ZDHHC2: variants seen among roughly 807,000 people sequenced by gnomAD.
ZDHHC2 encodes palmitoyltransferase ZDHHC2.
ZDHHC2 carries 51 observed loss-of-function variants against 55.6 expected under a neutral mutation model. The ratio of observed to expected loss-of-function variants is 0.92; its 90% CI spans 0.73 to 1.16. The LOEUF (loss-of-function observed/expected upper bound fraction) is 1.16. Among genes scored for constraint, ZDHHC2 ranks in the 50% most tolerant of loss-of-function variants. ZDHHC2 has a pLI of 0.00. For synonymous variants in ZDHHC2, 199 were observed against 152.9 expected (o/e 1.30, Z -2.22); for missense variants, 491 against 442.4 (o/e 1.11, Z -0.99).
intron 1 of ZDHHC2, among the ~76,000 whole-genome samples, chr8:17,172,822 A>T (rs1804927186): frequency 6.6e-6 from 1 of 152,132 alleles, no homozygotes; most frequent in South Asian, 2.1e-4. Flanking sequence ...AGCCTATCCC[A>T]TCTCTTACTC....
intron 10 of ZDHHC2, among the ~76,000 whole-genome samples, chr8:17,211,885 A>G (rs1388674529): frequency 6.6e-6 from 1 of 152,182 alleles, no homozygotes; most frequent in Non-Finnish European, 1.5e-5. Context: ...AGAAAAATCT[A>G]GTTTTAATAA....
intron 8 of ZDHHC2, among the ~76,000 whole-genome samples, chr8:17,208,735 A>G (rs1807228613): frequency 6.6e-6 from 1 of 152,230 alleles, no homozygotes; most frequent in African/African-American, 2.4e-5. Context: ...AAATACTGAT[A>G]AAGTAATTTC....
At chr8:17,199,533 T>TTCATCTTC (rs773429262) in intron 6 of ZDHHC2, among the ~76,000 whole-genome samples, 2 of 31,260 alleles carry the variant, frequency 6.4e-5, no homozygotes, top group Non-Finnish European at 1.5e-4. Context: ...CTTCGTCTTC[T>TTCATCTTC]GTCTTCGTCT....
chr8:17,204,098 GC>G (rs1310363623), intron 6 of ZDHHC2, among the ~76,000 whole-genome samples: 1 of 152,166 alleles, frequency 6.6e-6, no homozygotes, highest in Non-Finnish European at 1.5e-5. Flanking sequence ...GAGCCACCAC[GC>G]CCAGCCAACT....
chr8:17,209,918 C>CA lies in ZDHHC2; in HGVS notation c.731-14_731-13insA. 1 of 1,601,838 alleles carries CA rather than the reference C, an allele frequency of 6.2e-7. No homozygotes were observed. Among genetic ancestry groups the CA allele is most frequent in the Non-Finnish European group, 8.5e-7 (1 of 1,175,254 alleles). ...GTTCTTTACTCATGTGATTCCTTTA[C>CA]CATCTTTTTTTAGAGGCATTCAGAA... is the stretch of plus-strand genomic sequence containing the variant. On this transcript the variant is annotated splice_polypyrimidine_tract_variant and intron_variant, in intron 8 of 12. Coordinates refer to ENST00000262096, the MANE Select transcript of ZDHHC2 (RefSeq NM_016353.5).
intron 1 of ZDHHC2, among the ~76,000 whole-genome samples, chr8:17,169,440 C>A (rs940985692): frequency 1.2e-4 from 19 of 152,110 alleles, no homozygotes; most frequent in African/African-American, 4.6e-4. Flanking sequence ...AGGAATTCAA[C>A]AACAGTTTTT....
At chr8:17,188,913 C>A (rs1805870017) in intron 3 of ZDHHC2, among the ~76,000 whole-genome samples, 1 of 152,102 alleles carries the variant, frequency 6.6e-6, no homozygotes, top group African/African-American at 2.4e-5. Flanking sequence ...TTGGTGTCAT[C>A]CTTGGCTACT....
intron 1 of ZDHHC2, among the ~76,000 whole-genome samples, chr8:17,181,537 G>A (rs1158938514): frequency 6.6e-6 from 1 of 152,172 alleles, no homozygotes; most frequent in African/African-American, 2.4e-5. Flanking sequence ...TAAAGGAAAT[G>A]AGATAAAGAA....
chr8:17,181,202 G>T (rs1362926928), intron 1 of ZDHHC2, among the ~76,000 whole-genome samples: 4 of 152,158 alleles, frequency 2.6e-5, no homozygotes, highest in African/African-American at 9.7e-5. Context: ...CCAGTTTTAT[G>T]TGATTCAAAT....
intron 4 of ZDHHC2, among the ~76,000 whole-genome samples, chr8:17,196,431 T>TATAATCC (rs898846955): frequency 2.1e-4 from 32 of 152,242 alleles, no homozygotes; most frequent in Non-Finnish European, 3.5e-4. Context: ...GGCTTGTGCC[T>TATAATCC]ATAATCCCAG....
chr8:17,213,334 A>AC (rs998311244), intron 10 of ZDHHC2, among the ~76,000 whole-genome samples: 4 of 151,742 alleles, frequency 2.6e-5, no homozygotes, highest in African/African-American at 9.7e-5. Context: ...GCTCACTGCA[A>AC]CCTCTGTCTC....
chr8:17,175,918 C>T (rs1325339599), intron 1 of ZDHHC2, among the ~76,000 whole-genome samples: 2 of 152,120 alleles, frequency 1.3e-5, no homozygotes, highest in South Asian at 4.1e-4. Context: ...GGCAAAGACG[C>T]TAAGGTTTGG....
At chr8:17,183,764 G>A (rs1259825898) in intron 1 of ZDHHC2, among the ~76,000 whole-genome samples, 1 of 152,130 alleles carries the variant, frequency 6.6e-6, no homozygotes, top group Non-Finnish European at 1.5e-5. Context: ...CACCCTGGAA[G>A]GATGAATTTT....
intron 4 of ZDHHC2, 146 bp from the exon 5 acceptor site, chr8:17,197,436 A>T: frequency 1.4e-6 from 1 of 705,102 alleles, no homozygotes; most frequent in Non-Finnish European, 2.3e-6. Context: ...TTTTGTATTT[A>T]AACAGCATCA....
chr8:17,157,819 G>C (rs1225312211), intron 1 of ZDHHC2, among the ~76,000 whole-genome samples: 1 of 152,186 alleles, frequency 6.6e-6, no homozygotes, highest in Admixed American at 6.5e-5. Flanking sequence ...GCCCTACCAA[G>C]TGCTAGCTTT....
At chr8:17,186,468 A>G in intron 3 of ZDHHC2, 43 bp downstream of exon 3, 1 of 1,181,070 alleles carries the variant, frequency 8.5e-7, no homozygotes, top group Admixed American at 3.2e-5. Context: ...AATAGAAATC[A>G]ATAATACTGA....
chr8:17,205,646 T>C lies in ZDHHC2; in HGVS notation c.477-9T>C, dbSNP rs747299100. 5.0e-6 allele frequency: 8 copies of C among 1,588,018 alleles called. No individual in the cohort carries two copies. The African/African-American group carries it at 8.2e-5, about 16-fold the overall frequency. On this transcript the variant is annotated splice_polypyrimidine_tract_variant and intron_variant, in intron 6 of 12. Transcript: ENST00000262096. ...AAACTCACTGGAAATGTTTTTGTTT[T>C]GTTAACAGGGTGAACAATTGTGTTG...
rs370662625 is a variant in ZDHHC2, at chr8:17,163,116, C to T, written c.130+6263C>T. On this transcript the variant is annotated intron_variant, in intron 1 of 12. Transcript: ENST00000262096. ...GCATGAATGCAACTCTCTGAATCCA[C>T]GGCGAGCCTGGAGAGCTTAGCTTAG... 5.9e-5 allele frequency among the ~76,000 whole-genome samples: 9 copies of T among 152,300 alleles called. No homozygotes were observed. In the East Asian group the frequency reaches 1.2e-3, roughly 20 times the overall value.
intron 1 of ZDHHC2, among the ~76,000 whole-genome samples, chr8:17,171,145 G>C (rs1804833757): frequency 6.6e-6 from 1 of 152,160 alleles, no homozygotes; most frequent in South Asian, 2.1e-4. Flanking sequence ...GGAAAGGAGG[G>C]GGGTGGGGCT....
Sources: gnomAD v4.1 joint callset for allele counts (sites outside exome capture counted in the v4.1 genomes callset) on GRCh38, gnomAD v4.1.1 for gene constraint, MANE v1.5 for transcripts, NCBI Gene and HGNC (gene_info 2026-07-23, HGNC 2026-07-21) for gene names.